Variants in ADAMTS9 observed in about 807,000 individuals in gnomAD.
ADAMTS9 encodes the protein ADAM metallopeptidase with thrombospondin type 1 motif 9.
Under a neutral mutation model 257.1 loss-of-function variants are expected in ADAMTS9, and 107 were observed. The ratio of observed to expected loss-of-function variants is 0.42; its 90% CI spans 0.36 to 0.49. The LOEUF is 0.49. ADAMTS9 is among the 20% of genes least tolerant of loss of function. The probability of loss-of-function intolerance (pLI) is 0.03; values close to 1 mark genes in which losing one functional copy is unlikely to be tolerated. For synonymous variants in ADAMTS9, 982 were observed against 880.9 expected (o/e 1.11, Z -2.03); for missense variants, 2,353 against 2,469.1 (o/e 0.95, Z 1.00).
chr3:64,642,326 G>C (rs2106923413), intron 11 of ADAMTS9, among the ~76,000 whole-genome samples: 1 of 152,260 alleles, frequency 6.6e-6, no homozygotes, highest in African/African-American at 2.4e-5. Flanking sequence ...GTTATAGACA[G>C]GGCCAAAATG....
intron 37 of ADAMTS9, among the ~76,000 whole-genome samples, chr3:64,533,793 G>A (rs1299168392): frequency 6.6e-6 from 1 of 152,164 alleles, no homozygotes. Context: ...TCCCCAGGAC[G>A]GTCAGCAGAG....
intron 38 of ADAMTS9, 111 bp downstream of exon 38, chr3:64,533,055 A>T: frequency 1.1e-6 from 1 of 948,466 alleles, no homozygotes; most frequent in Non-Finnish European, 1.6e-6. Flanking sequence ...AAAATGGCTT[A>T]AGTGGGAAAG....
intron 12 of ADAMTS9, among the ~76,000 whole-genome samples, chr3:64,638,497 G>A (rs372810524): frequency 1.3e-5 from 2 of 152,246 alleles, no homozygotes; most frequent in South Asian, 4.2e-4. Flanking sequence ...GTGAAAATGG[G>A]AGCTATTAAT....
At chr3:64,577,996 T>C (rs555628271) in intron 28 of ADAMTS9, among the ~76,000 whole-genome samples, 43 of 152,360 alleles carry the variant, frequency 2.8e-4, no homozygotes, top group African/African-American at 1.0e-3. Context: ...AGGTAGACTA[T>C]CCTGAAAATT....
chr3:64,619,673 T>C (rs1700057564), intron 19 of ADAMTS9, among the ~76,000 whole-genome samples: 2 of 152,152 alleles, frequency 1.3e-5, no homozygotes. Context: ...GGATAATATA[T>C]AACTGTTAGA....
At chr3:64,674,696 C>A (rs973702987) in intron 3 of ADAMTS9, among the ~76,000 whole-genome samples, 4 of 152,168 alleles carry the variant, frequency 2.6e-5, no homozygotes, top group Non-Finnish European at 5.9e-5. Flanking sequence ...CACTGACTTG[C>A]TTGGGGCCCA....
At chr3:64,561,986 T>C (rs2083435457) in intron 29 of ADAMTS9, among the ~76,000 whole-genome samples, 1 of 152,184 alleles carries the variant, frequency 6.6e-6, no homozygotes, top group Non-Finnish European at 1.5e-5. Flanking sequence ...TTTGGAGGAA[T>C]CCCTCAAGTT....
intron 30 of ADAMTS9, 82 bp from the exon 31 acceptor site, chr3:64,551,144 T>G: frequency 6.8e-7 from 1 of 1,475,664 alleles, no homozygotes; most frequent in South Asian, 1.3e-5. Context: ...CCTGTCTACA[T>G]AGCCTTTAAG....
chr3:64,533,919 TG>T (rs777854169), intron 37 of ADAMTS9, among the ~76,000 whole-genome samples: 23 of 152,336 alleles, frequency 1.5e-4, no homozygotes, highest in Middle Eastern at 6.8e-3. Context: ...ACATGGCCTC[TG>T]GTGCCTCAAT....
intron 16 of ADAMTS9, among the ~76,000 whole-genome samples, chr3:64,627,375 A>G (rs1256181691): frequency 2.8e-5 from 4 of 141,592 alleles, no homozygotes; most frequent in African/African-American, 1.2e-4. Context: ...CATCCTTAAA[A>G]TCATCAGATG....
At chr3:64,522,370 C>A (rs1275931917) in intron 38 of ADAMTS9, 110 bp from the exon 39 acceptor site, 1 of 929,486 alleles carries the variant, frequency 1.1e-6, no homozygotes, top group African/African-American at 1.6e-5. Flanking sequence ...GCCTTCTGAA[C>A]TGATGTGAAG....
Position 64,597,176 on chromosome 3 carries a change from A to G in ADAMTS9, c.4018-185T>C, listed in dbSNP as rs79331729. Among the ~76,000 whole-genome samples, 5,204 of 152,232 alleles carry G rather than the reference A, an allele frequency of 0.034. 267 individuals carry two copies. The highest frequency in any genetic ancestry group is 0.12 in the African/African-American group (4,924 of 41,514). On this transcript the variant is annotated intron_variant, in intron 26 of 39. Transcript: ENST00000498707. ...TGGGGCTGTTTCATGTACACATCCT[A>G]TAGACACACCTGGAGGGCAGAAATG...
intron 28 of ADAMTS9, chr3:64,589,270 G>A (rs1286205364): frequency 6.6e-6 from 1 of 152,096 alleles, no homozygotes; most frequent in African/African-American, 2.4e-5. Flanking sequence ...TTCTTTTGCT[G>A]GAATCAAATG....
chr3:64,604,406 TAA>T, intron 23 of ADAMTS9, 75 bp from the exon 24 acceptor site: 4 of 1,080,218 alleles, frequency 3.7e-6, no homozygotes, highest in Non-Finnish European at 5.4e-6. Flanking sequence ...TCATGGTGGA[TAA>T]AAATGTAAAG....
chr3:64,593,642 T>A (rs2084301940), intron 28 of ADAMTS9, among the ~76,000 whole-genome samples: 1 of 152,182 alleles, frequency 6.6e-6, no homozygotes. Context: ...CAAAAAATGG[T>A]CCCAAACGGG....
intron 22 of ADAMTS9, among the ~76,000 whole-genome samples, chr3:64,610,628 A>G (rs1209401244): frequency 2.0e-5 from 3 of 152,216 alleles, no homozygotes; most frequent in African/African-American, 4.8e-5. Context: ...AATACAAATC[A>G]AAACCATAGT....
At chr3:64,573,773 G>A (rs2083760091) in intron 28 of ADAMTS9, among the ~76,000 whole-genome samples, 1 of 152,212 alleles carries the variant, frequency 6.6e-6, no homozygotes, top group African/African-American at 2.4e-5. Flanking sequence ...AGTGACAAAT[G>A]AAGTGAATAC....
intron 28 of ADAMTS9, among the ~76,000 whole-genome samples, chr3:64,591,868 T>G (rs1005314467): frequency 1.3e-5 from 2 of 152,168 alleles, no homozygotes; most frequent in Non-Finnish European, 1.5e-5. Context: ...TAAATCTAAG[T>G]TGCTTTCTGT....
intron 39 of ADAMTS9, among the ~76,000 whole-genome samples, chr3:64,519,839 A>C (rs2082827584): frequency 6.6e-6 from 1 of 152,192 alleles, no homozygotes; most frequent in Non-Finnish European, 1.5e-5. Context: ...CCAATATCAT[A>C]CTTAACAGGC....
Sources: allele counts gnomAD v4.1 joint callset (sites outside exome capture counted in the v4.1 genomes callset), GRCh38; gene constraint gnomAD v4.1.1; transcripts MANE v1.5; gene names NCBI Gene and HGNC (gene_info 2026-07-23, HGNC 2026-07-21).